HHAT: variants seen among roughly 807,000 people sequenced by gnomAD.
The protein encoded by HHAT is hedgehog acyltransferase.
HHAT carries 47 observed loss-of-function variants against 70.8 expected under a neutral mutation model. The ratio of observed to expected loss-of-function variants is 0.66; its 90% CI spans 0.53 to 0.85. The LOEUF (loss-of-function observed/expected upper bound fraction) is 0.85. Ranked by LOEUF, HHAT falls within the 40% of genes least tolerant of loss-of-function variation. The probability of loss-of-function intolerance (pLI) is 0.00; values close to 1 mark genes in which losing one functional copy is unlikely to be tolerated. For missense variants in HHAT, 609 were observed against 604.8 expected (o/e 1.01, Z -0.07); for synonymous variants, 228 against 247.6 (o/e 0.92, Z 0.74).
chr1:210,485,053 C>T (rs1453221798), intron 8 of HHAT, among the ~76,000 whole-genome samples: 2 of 152,060 alleles, frequency 1.3e-5, no homozygotes, highest in Admixed American at 1.3e-4. Flanking sequence ...CCTCACTGAG[C>T]CCAAACTTGA....
chr1:210,405,453 T>G (rs370905900), intron 6 of HHAT, among the ~76,000 whole-genome samples: 5 of 152,146 alleles, frequency 3.3e-5, no homozygotes, highest in African/African-American at 7.2e-5. Flanking sequence ...GGATATTCTA[T>G]CCCTCACCAA....
At chr1:210,446,881 T>A (rs11119500) in intron 7 of HHAT, among the ~76,000 whole-genome samples, 1 of 152,000 alleles carries the variant, frequency 6.6e-6, no homozygotes, top group Admixed American at 6.6e-5. Context: ...AATTTTCCTC[T>A]TTTGTCTGCC....
chr1:210,637,411 T>TGG (rs1227157582), intron 11 of HHAT, among the ~76,000 whole-genome samples: 1 of 152,148 alleles, frequency 6.6e-6, no homozygotes, highest in Non-Finnish European at 1.5e-5. Flanking sequence ...ATAGATCAAT[T>TGG]GGGTGTCATC....
intron 4 of HHAT, among the ~76,000 whole-genome samples, chr1:210,395,357 C>G (rs1289888748): frequency 6.6e-6 from 1 of 152,328 alleles, no homozygotes; most frequent in East Asian, 1.9e-4. Context: ...TTTTTCCTGA[C>G]TCCTTATGAA....
chr1:210,518,419 AT>A (rs1427450308), intron 9 of HHAT, among the ~76,000 whole-genome samples: 3 of 152,218 alleles, frequency 2.0e-5, no homozygotes, highest in Non-Finnish European at 4.4e-5. Flanking sequence ...ACAGGATTTC[AT>A]TCTTTTTTAT....
At chr1:210,657,816 C>T (rs988662849) in intron 11 of HHAT, among the ~76,000 whole-genome samples, 7 of 152,100 alleles carry the variant, frequency 4.6e-5, no homozygotes, top group East Asian at 1.9e-4. Context: ...GGCCAGTGTG[C>T]GCCAGATGCC....
chr1:210,647,966 C>T (rs981933147), intron 11 of HHAT, among the ~76,000 whole-genome samples: 15 of 152,316 alleles, frequency 9.8e-5, no homozygotes, highest in African/African-American at 3.1e-4. Context: ...AGTCTGGCTC[C>T]GTTTTTGGTG....
At chr1:210,333,360 G>A (rs2085169199) in intron 1 of HHAT, among the ~76,000 whole-genome samples, 1 of 152,062 alleles carries the variant, frequency 6.6e-6, no homozygotes, top group African/African-American at 2.4e-5. Context: ...GGAGGTCAAG[G>A]CTGCAGTGAG....
chr1:210,611,574 G>A (rs574550345), intron 10 of HHAT, among the ~76,000 whole-genome samples: 2 of 152,084 alleles, frequency 1.3e-5, no homozygotes, highest in Non-Finnish European at 2.9e-5. Flanking sequence ...GAGCATCCTT[G>A]TCTAGTGCTG....
chr1:210,623,591 G>C lies in HHAT; in HGVS notation c.1311G>C (p.Ser437=), dbSNP rs761262503. 1 of 1,613,996 alleles carries C rather than the reference G, an allele frequency of 6.2e-7. No homozygotes were observed. Among genetic ancestry groups the C allele is most frequent in the Non-Finnish European group, 8.5e-7 (1 of 1,179,978 alleles). The change falls in exon 11 of 12, where the codon TCG becomes TCC. Residue 437 remains serine, a synonymous_variant. Transcript: ENST00000261458. ...FHAALASCST[S]MLILSNLVFL... Reference sequence around the variant, plus strand: ...CTGCCCTTGCTTCTTGTTCCACCTCGATGCTGATCCTGTCCAACCTGGTAT... The same window carrying C: ...CTGCCCTTGCTTCTTGTTCCACCTCCATGCTGATCCTGTCCAACCTGGTAT...
chr1:210,559,348 A>G (rs2095601070), intron 9 of HHAT, among the ~76,000 whole-genome samples: 1 of 152,208 alleles, frequency 6.6e-6, no homozygotes, highest in Non-Finnish European at 1.5e-5. Flanking sequence ...CTTGGCCCAC[A>G]GTAGGTACTC....
rs76609861 is a variant in HHAT, at chr1:210,641,180, A to G, written c.1390+17510A>G. Among the ~76,000 whole-genome samples the G allele has an allele frequency of 3.8e-3, 582 of 152,350 alleles. 1 individual carries two copies. The highest frequency in any genetic ancestry group is 6.8e-3 in the Middle Eastern group (2 of 294). On this transcript the variant is annotated intron_variant, in intron 11 of 11. Transcript: ENST00000261458. ...TGTTTTCGGGAAGAATTGAATGTCC[A>G]TATAGTGGGGCAGGAAAATCTCAGC...
intron 10 of HHAT, among the ~76,000 whole-genome samples, chr1:210,599,138 C>T (rs1365831857): frequency 6.6e-6 from 1 of 152,184 alleles, no homozygotes; most frequent in Non-Finnish European, 1.5e-5. Context: ...AGTACAGTAG[C>T]TACTAGCCCC....
chr1:210,362,797 C>A, intron 2 of HHAT, 55 bp from the exon 3 acceptor site: 1 of 1,447,330 alleles, frequency 6.9e-7, no homozygotes, highest in Non-Finnish European at 9.7e-7. Flanking sequence ...AGCTCTTCAG[C>A]CAGCCCAGTT....
In HHAT at chr1:210,635,340, A is replaced by G. The variant is rs75209740; in HGVS notation, c.1390+11670A>G. Among the ~76,000 whole-genome samples the G allele has an allele frequency of 7.3e-3, 1,119 of 152,336 alleles. 14 individuals are homozygous for G. The highest frequency in any genetic ancestry group is 0.026 in the African/African-American group (1,070 of 41,586). ...CAACAAACACCAGGAAGGTAACCTG[A>G]GGATCAGAGAAGCCCATACATGCCA... On this transcript the variant is annotated intron_variant, in intron 11 of 11. Transcript: ENST00000261458.
At chr1:210,602,423 A>C (rs981012737) in intron 10 of HHAT, among the ~76,000 whole-genome samples, 1 of 152,118 alleles carries the variant, frequency 6.6e-6, no homozygotes, top group African/African-American at 2.4e-5. Context: ...CAACAGTAGG[A>C]TTTGGCTAGG....
At chr1:210,458,015 A>G (rs2093905043) in intron 7 of HHAT, among the ~76,000 whole-genome samples, 1 of 152,198 alleles carries the variant, frequency 6.6e-6, no homozygotes, top group Admixed American at 6.5e-5. Context: ...GATACAGATA[A>G]TAGAATACTA....
Position 210,484,099 on chromosome 1 carries a change from C to A in HHAT, c.1007+19444C>A, listed in dbSNP as rs887476281. On this transcript the variant is annotated intron_variant, in intron 8 of 11. Coordinates refer to ENST00000261458, the MANE Select transcript of HHAT (RefSeq NM_018194.6). ...GAAATCTTAAAAACTGATTTTCCAC[C>A]TGCAGATTATTCATGTAAGGAATGC... 3.3e-5 allele frequency among the ~76,000 whole-genome samples: 5 copies of A among 152,154 alleles called. No individual in the cohort carries two copies. The South Asian group carries it at 1.0e-3, about 32-fold the overall frequency.
Position 210,623,522 on chromosome 1 carries a change from G to A in HHAT, c.1246-4G>A, listed in dbSNP as rs761905371. On this transcript the variant is annotated splice_region_variant and splice_polypyrimidine_tract_variant and intron_variant, in intron 10 of 11. Transcript: ENST00000261458. ...GAGATGCTTTCTTGCCATTTTTCCC[G>A]TAGGCCCGATACTTCTCCCCACAAG... 1.9e-5 allele frequency: 31 copies of A among 1,613,386 alleles called. No homozygotes were observed. The highest frequency in any genetic ancestry group is 1.1e-4 in the East Asian group (5 of 44,864).
Sources: allele counts gnomAD v4.1 joint callset (sites outside exome capture counted in the v4.1 genomes callset), GRCh38; gene constraint gnomAD v4.1.1; transcripts MANE v1.5; gene names NCBI Gene and HGNC (gene_info 2026-07-23, HGNC 2026-07-21).